Variants in TBC1D19 observed in about 807,000 individuals in gnomAD.
TBC1D19 encodes TBC1 domain family member 19.
TBC1D19 carries 60 observed loss-of-function variants against 89.0 expected under a neutral mutation model. That is an observed-to-expected ratio of 0.67 (90% confidence interval 0.55 to 0.84). TBC1D19 has a LOEUF of 0.84. Ranked by LOEUF, TBC1D19 falls within the 40% of genes least tolerant of loss-of-function variation. The pLI, the probability that TBC1D19 is intolerant of heterozygous loss-of-function variation, is 0.00. For missense variants in TBC1D19, 500 were observed against 610.8 expected, an observed-to-expected ratio of 0.82 and a Z score of 1.91; for synonymous variants, 189 against 199.7, an observed-to-expected ratio of 0.95 and a Z score of 0.45.
At chr4:26,720,156 G>T (rs1003844922) in intron 15 of TBC1D19, 31 bp downstream of exon 15, 2 of 1,530,754 alleles carry the variant, frequency 1.3e-6, no homozygotes, top group South Asian at 2.5e-5. Context: ...TCCTCTAGTG[G>T]GAAGTGAAAA....
intron 8 of TBC1D19, among the ~76,000 whole-genome samples, chr4:26,662,069 A>G (rs1200926712): frequency 6.6e-6 from 1 of 152,200 alleles, no homozygotes; most frequent in Non-Finnish European, 1.5e-5. Flanking sequence ...TTTTCAGTAA[A>G]TAACATTGCT....
the TBC1D19 span, among the ~76,000 whole-genome samples, chr4:26,802,366 C>T: frequency 6.6e-6 from 1 of 152,078 alleles, no homozygotes; most frequent in Non-Finnish European, 1.5e-5. Flanking sequence ...TTTGGGAGGC[C>T]GAGGCGGGCA....
intron 15 of TBC1D19, among the ~76,000 whole-genome samples, chr4:26,724,074 G>A (rs868774531): frequency 3.3e-5 from 5 of 152,176 alleles, no homozygotes; most frequent in South Asian, 2.1e-4. Flanking sequence ...ATGGGAGAAC[G>A]TTCCAGAAGA....
rs901980075 is a variant in TBC1D19, at chr4:26,665,003, C to T, written c.592-1330C>T. On this transcript the variant is annotated intron_variant, in intron 8 of 20. Coordinates refer to ENST00000264866, the MANE Select transcript of TBC1D19 (RefSeq NM_018317.4). ...CACTCTCAACAGGAAAACCCGAGTG[C>T]TGTTGGGGAGGTTGGCCGACGATCG... 9.2e-5 allele frequency among the ~76,000 whole-genome samples: 14 copies of T among 152,070 alleles called. 1 individual carries two copies. The highest frequency in any genetic ancestry group is 8.5e-4 in the Admixed American group (13 of 15,264).
intron 11 of TBC1D19, among the ~76,000 whole-genome samples, chr4:26,681,514 G>T (rs1713342489): frequency 6.6e-6 from 1 of 152,052 alleles, no homozygotes; most frequent in African/African-American, 2.4e-5. Context: ...TCGTGCCACT[G>T]CACTCCAGCC....
chr4:26,754,693 T>G (rs1001125455), intron 20 of TBC1D19, among the ~76,000 whole-genome samples, 180 bp from the exon 21 acceptor site: 5 of 152,210 alleles, frequency 3.3e-5, no homozygotes, highest in African/African-American at 1.2e-4. Flanking sequence ...CATTTCAGCA[T>G]TTTGCACATG....
chr4:26,735,192 A>G (rs1019046990), intron 15 of TBC1D19, among the ~76,000 whole-genome samples: 1 of 151,600 alleles, frequency 6.6e-6, no homozygotes, highest in Admixed American at 6.6e-5. Context: ...ACGTATATAT[A>G]CACATATATA....
chr4:26,825,273 A>G, the TBC1D19 span, among the ~76,000 whole-genome samples: 397 of 151,970 alleles, frequency 2.6e-3, 1 homozygote, highest in African/African-American at 9.1e-3. Flanking sequence ...TAATTTTTGT[A>G]TCTTTAGTAG....
intron 9 of TBC1D19, among the ~76,000 whole-genome samples, chr4:26,668,929 C>A (rs574243971): frequency 6.6e-6 from 1 of 151,500 alleles, no homozygotes; most frequent in Non-Finnish European, 1.5e-5. Context: ...TAAAAAAAGT[C>A]ATAGCCATTA....
chr4:26,709,823 G>T (rs1024325179), intron 13 of TBC1D19, among the ~76,000 whole-genome samples: 5 of 151,854 alleles, frequency 3.3e-5, no homozygotes, highest in Non-Finnish European at 5.9e-5. Context: ...GCTTCCTACT[G>T]CACCATCTTC....
the TBC1D19 span, among the ~76,000 whole-genome samples, chr4:26,833,603 T>C: frequency 6.6e-6 from 1 of 152,336 alleles, no homozygotes; most frequent in South Asian, 2.1e-4. Flanking sequence ...AGCTGAAATG[T>C]TTCTAAAGCA....
intron 7 of TBC1D19, among the ~76,000 whole-genome samples, chr4:26,655,822 C>T (rs573545588): frequency 2.6e-5 from 4 of 152,362 alleles, no homozygotes; most frequent in South Asian, 2.1e-4. Flanking sequence ...GCACTTCCTG[C>T]GTGAGGCAAT....
chr4:26,692,633 C>T (rs1425134840), intron 13 of TBC1D19, among the ~76,000 whole-genome samples: 2 of 152,134 alleles, frequency 1.3e-5, no homozygotes, highest in Non-Finnish European at 1.5e-5. Flanking sequence ...AGGAAAGTTC[C>T]AACCTAATGG....
intron 11 of TBC1D19, among the ~76,000 whole-genome samples, chr4:26,677,872 C>G (rs1712975755): frequency 6.6e-6 from 1 of 152,166 alleles, no homozygotes; most frequent in African/African-American, 2.4e-5. Context: ...CTGAGGCCTC[C>G]TCAGCCATGT....
chr4:26,856,442 G>A, the TBC1D19 span, among the ~76,000 whole-genome samples: 1 of 152,162 alleles, frequency 6.6e-6, no homozygotes, highest in Non-Finnish European at 1.5e-5. Flanking sequence ...GAACATGAGA[G>A]TGCAGATATC....
At chr4:26,717,101 G>C (rs967491435) in intron 13 of TBC1D19, among the ~76,000 whole-genome samples, 1 of 152,126 alleles carries the variant, frequency 6.6e-6, no homozygotes, top group South Asian at 2.1e-4. Flanking sequence ...TTCCAAAGCT[G>C]TATCCCCTTT....
chr4:26,804,992 C>G, the TBC1D19 span, among the ~76,000 whole-genome samples: 2 of 152,074 alleles, frequency 1.3e-5, no homozygotes, highest in Non-Finnish European at 2.9e-5. Context: ...AAGGAAGCAG[C>G]GTGAAGATTC....
At chr4:26,827,045 G>A in the TBC1D19 span, among the ~76,000 whole-genome samples, 6 of 152,012 alleles carry the variant, frequency 3.9e-5, no homozygotes, top group South Asian at 2.1e-4. Flanking sequence ...TTATTGAATC[G>A]TATCATGGAG....
At chr4:26,789,719 A>G in the TBC1D19 span, among the ~76,000 whole-genome samples, 1 of 152,222 alleles carries the variant, frequency 6.6e-6, no homozygotes, top group Non-Finnish European at 1.5e-5. Flanking sequence ...ACCCAAGGCA[A>G]AAGAAATCAT....
Sources: allele counts gnomAD v4.1 joint callset (sites outside exome capture counted in the v4.1 genomes callset), GRCh38; gene constraint gnomAD v4.1.1; transcripts MANE v1.5; gene names NCBI Gene and HGNC (gene_info 2026-07-23, HGNC 2026-07-21).